The following SPIDR variants were observed in gnomAD, a reference collection of about 807,000 sequenced individuals.
The protein encoded by SPIDR is scaffold protein involved in DNA repair.
A neutral mutation model predicts 104.6 loss-of-function variants in SPIDR; 93 were observed. The observed-to-expected ratio is 0.89, with a 90% CI of 0.75 to 1.06. The LOEUF is 1.06. Ranked by LOEUF, SPIDR falls within the 50% of genes least tolerant of loss-of-function variation. The pLI, the probability that SPIDR is intolerant of heterozygous loss-of-function variation, is 0.00. For missense variants in SPIDR, 1,154 were observed against 1,111.2 expected (o/e 1.04, Z -0.55); for synonymous variants, 431 against 416.9 (o/e 1.03, Z -0.41).
chr8:47,362,981 C>T (rs2056385733), intron 5 of SPIDR, among the ~76,000 whole-genome samples: 1 of 151,768 alleles, frequency 6.6e-6, no homozygotes, highest in South Asian at 2.1e-4. Context: ...CAACATCGCC[C>T]ATTAGACAAC....
chr8:47,606,343 C>A (rs967950875), intron 10 of SPIDR, among the ~76,000 whole-genome samples: 2 of 151,684 alleles, frequency 1.3e-5, no homozygotes, highest in Non-Finnish European at 2.9e-5. Context: ...CACGATGAAA[C>A]CCCGTCTTTA....
At chr8:47,565,971 C>CATATATATATATATATATATATATATAT (rs1170408396) in intron 8 of SPIDR, among the ~76,000 whole-genome samples, 3 of 41,456 alleles carry the variant, frequency 7.2e-5, no homozygotes, top group Non-Finnish European at 9.5e-5. Context: ...TATTTATACT[C>CATATATATATATATATATATATATATAT]ATATATATAT....
At chr8:47,278,340 G>A (rs2037017216) in intron 1 of SPIDR, among the ~76,000 whole-genome samples, 2 of 145,388 alleles carry the variant, frequency 1.4e-5, no homozygotes, top group Admixed American at 6.9e-5. Flanking sequence ...TTTTTTCAAA[G>A]ACAGGATCTT....
At chr8:47,606,225 A>G (rs2062924637) in intron 10 of SPIDR, among the ~76,000 whole-genome samples, 1 of 152,150 alleles carries the variant, frequency 6.6e-6, no homozygotes, top group Admixed American at 6.5e-5. Context: ...CCAGAGCATT[A>G]AACAAAGATC....
intron 5 of SPIDR, among the ~76,000 whole-genome samples, chr8:47,378,387 G>A (rs928319443): frequency 2.0e-5 from 3 of 152,190 alleles, no homozygotes; most frequent in African/African-American, 7.2e-5. Context: ...CACACTTGTT[G>A]AATGTCATGG....
chr8:47,421,256 G>A (rs967563721), intron 7 of SPIDR, among the ~76,000 whole-genome samples: 3 of 152,226 alleles, frequency 2.0e-5, no homozygotes, highest in East Asian at 1.9e-4. Context: ...CCAATCAGAC[G>A]TAGATTTGGT....
chr8:47,409,148 T>C (rs1396385452), intron 7 of SPIDR, among the ~76,000 whole-genome samples: 4 of 152,140 alleles, frequency 2.6e-5, no homozygotes, highest in African/African-American at 7.2e-5. Context: ...GTTGTGCCAC[T>C]GCACTCCAGC....
chr8:47,649,791 G>T (rs2071267055), intron 10 of SPIDR, among the ~76,000 whole-genome samples: 1 of 151,700 alleles, frequency 6.6e-6, no homozygotes. Flanking sequence ...CTTTTTACAG[G>T]GATGGTTTAA....
intron 8 of SPIDR, among the ~76,000 whole-genome samples, chr8:47,575,221 G>A (rs78570227): frequency 6.6e-6 from 1 of 152,056 alleles, no homozygotes; most frequent in African/African-American, 2.4e-5. Flanking sequence ...TTTGAAGGTG[G>A]TCCCCACCAT....
At chr8:47,514,258 T>C (rs985753038) in intron 8 of SPIDR, among the ~76,000 whole-genome samples, 1 of 152,198 alleles carries the variant, frequency 6.6e-6, no homozygotes, top group Non-Finnish European at 1.5e-5. Context: ...TAGAAATGAC[T>C]GCTAGATTGG....
rs931097110 is a variant in SPIDR at position 47,735,509 on chromosome 8, G to GTGA, written c.*61_*63dup. ...GGCTGCAAGGGTGGTGGTGGTGGTG[G>GTGA]TGATTTGGGGTAGTTATTTGTTAAC... is the stretch of plus-strand genomic sequence containing the variant. On this transcript the variant is annotated 3_prime_UTR_variant, in exon 20 of 20. Transcript: ENST00000297423. 3 of 1,611,436 alleles carry GTGA rather than the reference G, an allele frequency of 1.9e-6. No homozygotes were observed. The highest frequency in any genetic ancestry group is 1.3e-5 in the African/African-American group (1 of 75,000).
At chr8:47,503,971 C>T (rs2081021023) in intron 8 of SPIDR, among the ~76,000 whole-genome samples, 1 of 152,214 alleles carries the variant, frequency 6.6e-6, no homozygotes, top group Non-Finnish European at 1.5e-5. Context: ...CCCCCACTCT[C>T]TTCTGGCTTG....
intron 10 of SPIDR, among the ~76,000 whole-genome samples, chr8:47,662,048 C>T (rs1415140855): frequency 1.3e-5 from 2 of 152,312 alleles, no homozygotes; most frequent in Non-Finnish European, 2.9e-5. Flanking sequence ...TGCCTGATGC[C>T]GAGGCTGCTC....
intron 8 of SPIDR, among the ~76,000 whole-genome samples, chr8:47,559,006 G>T (rs1015184540): frequency 6.6e-6 from 1 of 152,138 alleles, no homozygotes; most frequent in African/African-American, 2.4e-5. Flanking sequence ...GTGAAATAAG[G>T]CAGTGATGGA....
intron 8 of SPIDR, among the ~76,000 whole-genome samples, chr8:47,460,565 G>A (rs1554712789): frequency 6.6e-6 from 1 of 152,058 alleles, no homozygotes; most frequent in African/African-American, 2.4e-5. Flanking sequence ...TATGTGTTAG[G>A]TAAGTCTCTT....
chr8:47,280,678 C>T (rs1384967809), intron 2 of SPIDR, among the ~76,000 whole-genome samples: 1 of 152,096 alleles, frequency 6.6e-6, no homozygotes, highest in Non-Finnish European at 1.5e-5. Flanking sequence ...AGGCGTGAGC[C>T]ACTGTGCCCG....
At chr8:47,728,722 C>T in intron 17 of SPIDR, 1 of 483,058 alleles carries the variant, frequency 2.1e-6, no homozygotes, top group Non-Finnish European at 3.6e-6. Context: ...GGCCTCCAGC[C>T]AGTGCTACTC....
chr8:47,587,012 C>T (rs1329687434), intron 8 of SPIDR, among the ~76,000 whole-genome samples: 4 of 152,118 alleles, frequency 2.6e-5, no homozygotes, highest in Admixed American at 1.3e-4. Context: ...TCAGTTGATC[C>T]GTCAGCCTTG....
intron 19 of SPIDR, chr8:47,732,542 A>C: frequency 3.6e-6 from 1 of 279,316 alleles, no homozygotes; most frequent in South Asian, 4.7e-5. Context: ...GAAGTAGACA[A>C]CTTAGGAGGC....
Sources: allele counts gnomAD v4.1 joint callset (sites outside exome capture counted in the v4.1 genomes callset), GRCh38; gene constraint gnomAD v4.1.1; transcripts MANE v1.5; gene names NCBI Gene and HGNC (gene_info 2026-07-23, HGNC 2026-07-21).